The following CPEB2 variants were observed in gnomAD, a reference collection of about 807,000 sequenced individuals.
CPEB2 encodes the protein cytoplasmic polyadenylation element-binding protein 2.
In CPEB2, 56 loss-of-function variants were observed where a neutral mutation model predicts 93.6. The ratio of observed to expected loss-of-function variants is 0.60; its 90% CI spans 0.48 to 0.75. The LOEUF (loss-of-function observed/expected upper bound fraction) is 0.75. CPEB2 is among the 30% of genes least tolerant of loss of function. The pLI is 0.00. For synonymous variants in CPEB2, 764 were observed against 586.3 expected, an observed-to-expected ratio of 1.30 and a Z score of -4.38; for missense variants, 1,579 against 1,395.1, an observed-to-expected ratio of 1.13 and a Z score of -2.10.
chr4:15,029,636 G>A (rs1274048273), intron 4 of CPEB2, among the ~76,000 whole-genome samples: 1 of 151,956 alleles, frequency 6.6e-6, no homozygotes, highest in Non-Finnish European at 1.5e-5. Flanking sequence ...TGTAAGCTTA[G>A]GTTCATTAGG....
chr4:15,047,353 A>G (rs762302005), intron 6 of CPEB2, among the ~76,000 whole-genome samples: 26 of 152,130 alleles, frequency 1.7e-4, no homozygotes, highest in South Asian at 6.2e-4. Context: ...CAGTCTGTAG[A>G]TTGGATAATT....
chr4:15,046,387 G>T (rs916483511), intron 6 of CPEB2, among the ~76,000 whole-genome samples: 2 of 152,060 alleles, frequency 1.3e-5, no homozygotes, highest in Non-Finnish European at 2.9e-5. Flanking sequence ...CACCACACCC[G>T]GCTAATTTTT....
At chr4:15,020,653 A>G (rs9998291) in intron 4 of CPEB2, among the ~76,000 whole-genome samples, 15,056 of 152,128 alleles carry the variant, frequency 0.099, 1,545 homozygotes, top group African/African-American at 0.25. Flanking sequence ...TTGAAGTTGT[A>G]CAGATGTGAA....
intron 4 of CPEB2, 42 bp downstream of exon 4, chr4:15,017,320 C>A: frequency 2.0e-6 from 2 of 1,021,616 alleles, no homozygotes; most frequent in East Asian, 2.6e-5. Context: ...TATTATACAC[C>A]AATTTGCTTA....
At chr4:15,063,062 A>G (rs1333409286) in intron 11 of CPEB2, among the ~76,000 whole-genome samples, 1 of 152,120 alleles carries the variant, frequency 6.6e-6, no homozygotes, top group African/African-American at 2.4e-5. Context: ...CATTAAGAAT[A>G]TGCGGGTAAA....
intron 3 of CPEB2, among the ~76,000 whole-genome samples, chr4:15,010,853 C>T (rs115325496): frequency 0.011 from 1,658 of 152,114 alleles, 29 homozygotes; most frequent in African/African-American, 0.037. Context: ...TTGGATACCG[C>T]GGGCTTTACC....
rs983187994 is a variant in CPEB2, at chr4:15,059,197, G to A, written c.2591G>A (p.Arg864His). 1 of 1,604,336 alleles carries A rather than the reference G, an allele frequency of 6.2e-7. No individual in the cohort carries two copies. The highest frequency in any genetic ancestry group is 8.5e-7 in the Non-Finnish European group (1 of 1,172,968). Reference protein sequence around the residue: ...PTIKDKPVQIRPWNLSDSDFV... With the variant: ...PTIKDKPVQIHPWNLSDSDFV... ...TAATTTTCTTCATAGGTTCAAATAC[G>A]TCCTTGGAATTTAAGTGATAGTGAT... Residue 864 changes from arginine to histidine, a missense_variant, in exon 10 of 12, where the codon CGT (arginine) becomes CAT (histidine). By Grantham distance (29) the Arg-to-His change is conservative. Coordinates refer to ENST00000538197, the MANE Select transcript of CPEB2 (RefSeq NM_001177382.2).
At chr4:15,018,771 T>G (rs1267583829) in intron 4 of CPEB2, among the ~76,000 whole-genome samples, 1 of 150,634 alleles carries the variant, frequency 6.6e-6, no homozygotes, top group Non-Finnish European at 1.5e-5. Context: ...GTCTTTTTTT[T>G]TTTTTCAAAA....
At chr4:15,025,968 GT>G (rs1184073012) in intron 4 of CPEB2, among the ~76,000 whole-genome samples, 5 of 152,016 alleles carry the variant, frequency 3.3e-5, no homozygotes, top group Non-Finnish European at 5.9e-5. Context: ...AAATCTTTTT[GT>G]TTTCTTTGAG....
intron 3 of CPEB2, among the ~76,000 whole-genome samples, chr4:15,014,130 G>T (rs377136405): frequency 6.6e-6 from 1 of 152,004 alleles, no homozygotes; most frequent in South Asian, 2.1e-4. Context: ...TGAAGGTAGA[G>T]GGTACTTTCC....
intron 11 of CPEB2, among the ~76,000 whole-genome samples, chr4:15,062,507 G>T (rs1013542939): frequency 7.2e-5 from 11 of 151,986 alleles, no homozygotes; most frequent in African/African-American, 2.7e-4. Flanking sequence ...AGCCAGTAAG[G>T]TCAAATATTC....
At position 15,004,137 on chromosome 4, in the gene CPEB2, C is replaced by T; in HGVS notation, c.1464C>T (p.Phe488=). 1.6e-6 allele frequency: 1 copy of T among 620,550 alleles called. No individual in the cohort carries two copies. Among genetic ancestry groups the T allele is most frequent in the South Asian group, 1.6e-5 (1 of 64,114 alleles). The allele number at this position is 620,550 out of a possible 1,614,324, so 38.4% of individuals were successfully genotyped here. Residue 488 remains phenylalanine, a synonymous_variant, in exon 1 of 12, where the codon TTC becomes TTT. Coordinates refer to ENST00000538197, the MANE Select transcript of CPEB2 (RefSeq NM_001177382.2). ...CGAGCGGCGGCGGCGGCGGCGGCTT[C>T]GGCGGCCCCTTCTCGGCTACCGCTG... ...VPTSGGGGGG[F]GGPFSATAVP...
chr4:15,043,263 T>G (rs1727352897), intron 6 of CPEB2, among the ~76,000 whole-genome samples: 1 of 152,196 alleles, frequency 6.6e-6, no homozygotes, highest in Non-Finnish European at 1.5e-5. Context: ...CAGATATTAA[T>G]TTATGAAATA....
intron 4 of CPEB2, among the ~76,000 whole-genome samples, chr4:15,018,758 C>T (rs1313942716): frequency 6.7e-6 from 1 of 149,460 alleles, no homozygotes; most frequent in East Asian, 1.9e-4. Flanking sequence ...GTTGTTTCTC[C>T]CAGTCTTTTT....
rs1057059202 is a variant in CPEB2 at position 15,036,043 on chromosome 4, A to G, written c.2176+2832A>G. On this transcript the variant is annotated intron_variant, in intron 5 of 11. Coordinates refer to ENST00000538197, the MANE Select transcript of CPEB2 (RefSeq NM_001177382.2). ...TCAGCAGTTATGGTTAATCTTTTCA[A>G]TATTCCTTTAAGTAAGAAATAAAGA... Among the ~76,000 whole-genome samples, 45 of 152,216 alleles carry G rather than the reference A, an allele frequency of 3.0e-4. 1 individual carries two copies. The highest frequency in any genetic ancestry group is 2.9e-3 in the Admixed American group (44 of 15,284).
rs1156281022 is a variant in CPEB2 at position 15,003,179 on chromosome 4, G to C, written c.506G>C (p.Arg169Pro). ...RTSSPQDFSK[R>P]QQQQLSSQKR... ...TCCTCCCCGCAGGACTTCAGTAAGC[G>C]GCAGCAGCAGCAGCTGAGCAGCCAG... The change falls in exon 1 of 12, where the codon CGG becomes CCG. Residue 169 changes from arginine to proline, a missense_variant. Arg to Pro is a moderately radical substitution (Grantham distance 103). Around this residue, in one of 2 missense-constraint regions of CPEB2, gnomAD observed 1,411 missense variants for 1,056.0 expected, o/e 1.34. Coordinates refer to ENST00000538197, the MANE Select transcript of CPEB2 (RefSeq NM_001177382.2). 1 of 1,533,686 alleles carries C rather than the reference G, an allele frequency of 6.5e-7. No individual in the cohort carries two copies.
intron 1 of CPEB2, among the ~76,000 whole-genome samples, chr4:15,005,561 T>G (rs1560210865): frequency 1.3e-5 from 2 of 152,224 alleles, no homozygotes; most frequent in Non-Finnish European, 2.9e-5. Context: ...TTCATTCTGT[T>G]TAAGTCCATT....
chr4:15,048,696 CTA>C lies in CPEB2; in HGVS notation c.2201-3716_2201-3715del, dbSNP rs1304704554. 4.0e-5 allele frequency among the ~76,000 whole-genome samples: 6 copies of C among 151,876 alleles called. 1 individual carries two copies. Among genetic ancestry groups the C allele is most frequent in the Non-Finnish European group, 8.8e-5 (6 of 67,866 alleles). On this transcript the variant is annotated intron_variant, in intron 6 of 11. Transcript: ENST00000538197. ...CTTGTTTTCTAATATGCTTTTAAAA[CTA>C]TGAATTTTCCTTTGAGCCTGGCTTT...
At position 15,003,540 on chromosome 4, in the gene CPEB2, C is replaced by A; in HGVS notation, c.867C>A (p.Gly289=). 1 of 1,449,466 alleles carries A rather than the reference C, an allele frequency of 6.9e-7. No individual in the cohort carries two copies. The highest frequency in any genetic ancestry group is 9.1e-7 in the Non-Finnish European group (1 of 1,103,018). The allele number at this position is 1,449,466 out of a possible 1,614,324, so 89.8% of individuals were successfully genotyped here. A position where few individuals can be genotyped will look rare whatever the true frequency, so the allele number is the denominator to read the frequency against. Reference sequence around the variant, plus strand: ...GCCCTCGCAAGACCCCAGCCGCGGGCGAGGGCAGCGCCGCCGAGTCCCCCA... The same window carrying A: ...GCCCTCGCAAGACCCCAGCCGCGGGAGAGGGCAGCGCCGCCGAGTCCCCCA... ...AGSPRKTPAA[G]EGSAAESPNA... is the part of the protein sequence containing the mutation. Residue 289 remains glycine (G), a synonymous_variant, in exon 1 of 12, where the codon GGC becomes GGA. Transcript: ENST00000538197.
Sources: gnomAD v4.1 joint callset for allele counts (sites outside exome capture counted in the v4.1 genomes callset) on GRCh38, gnomAD v4.1.1 for gene constraint, gnomAD v4.1.1 regional missense constraint, MANE v1.5 for transcripts, NCBI Gene and HGNC (gene_info 2026-07-23, HGNC 2026-07-21) for gene names.